GTF2I: variants seen among roughly 807,000 people sequenced by gnomAD.
The protein encoded by GTF2I is general transcription factor II-I.
In GTF2I, 12 loss-of-function variants were observed where a neutral mutation model predicts 67.6. The observed-to-expected ratio is 0.18, with a 90% CI of 0.11 to 0.29. The LOEUF is 0.29. GTF2I is among the 10% of genes least tolerant of loss of function. The pLI, the probability that GTF2I is intolerant of heterozygous loss-of-function variation, is 1.00. For synonymous variants in GTF2I, 149 were observed against 197.0 expected (o/e 0.76, Z 2.04); for missense variants, 271 against 580.1 (o/e 0.47, Z 5.47).
intron 12 of GTF2I, chr7:74,727,180 C>T (rs1455140371): frequency 6.6e-6 from 1 of 152,162 alleles, no homozygotes; most frequent in Non-Finnish European, 1.5e-5. Flanking sequence ...ACCATTTTCT[C>T]CAGTTGATTA....
chr7:74,705,243 G>GT, intron 7 of GTF2I, 25 bp downstream of exon 7: 1 of 1,407,238 alleles, frequency 7.1e-7, no homozygotes, highest in Non-Finnish European at 1.0e-6. Context: ...CATTACTGCT[G>GT]TTTAACTCCC....
chr7:74,696,784 T>A (rs1788963918), intron 3 of GTF2I, among the ~76,000 whole-genome samples: 1 of 152,056 alleles, frequency 6.6e-6, no homozygotes, highest in Non-Finnish European at 1.5e-5. Flanking sequence ...CATGAGCCAC[T>A]GCACCCGGCC....
intron 8 of GTF2I, among the ~76,000 whole-genome samples, chr7:74,707,909 AT>A (rs1243527925): frequency 6.6e-6 from 1 of 150,754 alleles, no homozygotes; most frequent in East Asian, 1.9e-4. Context: ...GCATCTTTGT[AT>A]TCTTAATTTA....
At chr7:74,733,782 A>G (rs1192155818) in intron 15 of GTF2I, 141 bp from the exon 16 acceptor site, 5 of 317,874 alleles carry the variant, frequency 1.6e-5, no homozygotes, top group Non-Finnish European at 1.1e-5. Context: ...AAAAAAAAAA[A>G]GATTTAGTTG....
intron 1 of GTF2I, among the ~76,000 whole-genome samples, chr7:74,662,766 C>T (rs1357680225): frequency 6.6e-6 from 1 of 152,060 alleles, no homozygotes; most frequent in Non-Finnish European, 1.5e-5. Flanking sequence ...TTGTGATCTG[C>T]CCGCCTAGGC....
At chr7:74,687,639 T>A (rs142480301) in intron 1 of GTF2I, 3 of 667,684 alleles carry the variant, frequency 4.5e-6, no homozygotes, top group Admixed American at 6.3e-5. Flanking sequence ...TAGATCACAG[T>A]CTTTAATAAT....
At chr7:74,704,648 G>A (rs1417225507) in intron 6 of GTF2I, among the ~76,000 whole-genome samples, 5 of 151,914 alleles carry the variant, frequency 3.3e-5, no homozygotes, top group African/African-American at 7.3e-5. Flanking sequence ...CCAGGAGTTC[G>A]AGATAAGCCT....
At chr7:74,703,151 T>C (rs187136742) in intron 6 of GTF2I, among the ~76,000 whole-genome samples, 9 of 152,264 alleles carry the variant, frequency 5.9e-5, no homozygotes, top group Admixed American at 5.9e-4. Flanking sequence ...TATATAGTCT[T>C]GATATAAGTC....
intron 3 of GTF2I, among the ~76,000 whole-genome samples, chr7:74,693,302 G>T (rs1554397533): frequency 7.8e-6 from 1 of 128,170 alleles, no homozygotes; most frequent in Non-Finnish European, 1.6e-5. Flanking sequence ...TTGAGATGGA[G>T]GTTTGCTCCG....
intron 9 of GTF2I, 36 bp from the exon 10 acceptor site, chr7:74,714,821 G>A: frequency 2.1e-6 from 3 of 1,449,822 alleles, no homozygotes; most frequent in South Asian, 1.3e-5. Flanking sequence ...TTTTTGGGGG[G>A]GATTACTTTT....
intron 1 of GTF2I, chr7:74,688,824 C>T: frequency 3.2e-6 from 1 of 311,376 alleles, no homozygotes; most frequent in Non-Finnish European, 6.0e-6. Flanking sequence ...TGTAAAGTGC[C>T]TTGCCTCGTC....
intron 1 of GTF2I, among the ~76,000 whole-genome samples, chr7:74,684,273 T>C (rs1219976844): frequency 6.6e-6 from 1 of 152,224 alleles, no homozygotes; most frequent in African/African-American, 2.4e-5. Flanking sequence ...TATTTTAAGT[T>C]GAGGGTATTC....
At chr7:74,704,268 T>TTTTATCTATTTA (rs1790268268) in intron 6 of GTF2I, among the ~76,000 whole-genome samples, 1 of 144,310 alleles carries the variant, frequency 6.9e-6, no homozygotes, top group East Asian at 2.0e-4. Flanking sequence ...TAATTATTAT[T>TTTTATCTATTTA]TTTATTTATT....
At position 74,700,380 on chromosome 7, in the gene GTF2I, C is replaced by G. The variant is rs782730755; in HGVS notation, c.507C>G (p.Thr169=). 1.9e-6 allele frequency: 3 copies of G among 1,614,020 alleles called. No individual in the cohort carries two copies. Among genetic ancestry groups the G allele is most frequent in the East Asian group, 2.2e-5 (1 of 44,882 alleles). The change falls in exon 5 of 35, where the codon ACC becomes ACG. Residue 169 remains threonine (T), a synonymous_variant. Coordinates refer to ENST00000573035, the MANE Select transcript of GTF2I (RefSeq NM_032999.4). ...ACCCCGAGAACTATGATCTTGCAACCCTGAAATGGATTTTGGAGAACAAAG... is the reference window on the plus strand; with the variant it reads ...ACCCCGAGAACTATGATCTTGCAACGCTGAAATGGATTTTGGAGAACAAAG... ...FKHPENYDLA[T]LKWILENKAG... is the part of the protein sequence containing the mutation.
chr7:74,697,792 C>T lies in GTF2I; in HGVS notation c.239-1169C>T, dbSNP rs781906508. On this transcript the variant is annotated intron_variant, in intron 3 of 34. Transcript: ENST00000573035. ...CCTTTTATTTTTTATTTTTTTGAGA[C>T]GGAGTCTTGCTCTGTCGCCAGGCTG... Among the ~76,000 whole-genome samples the T allele has an allele frequency of 5.9e-4, 90 of 152,144 alleles. 1 individual carries two copies. Among genetic ancestry groups the T allele is most frequent in the Non-Finnish European group, 6.8e-4 (46 of 68,000 alleles).
At position 74,700,209 on chromosome 7, in the gene GTF2I, C is replaced by T. The variant is rs200579067; in HGVS notation, c.374-38C>T. 727 of 1,594,754 alleles carry T rather than the reference C, an allele frequency of 4.6e-4. 1 individual carries two copies. Among genetic ancestry groups the T allele is most frequent in the Non-Finnish European group, 6.0e-4 (694 of 1,164,966 alleles). ...GCGATGATTTCATTTTGTAATCTTA[C>T]CATTGAATGATGTTCATCCGCTTTT... On this transcript the variant is annotated intron_variant, in intron 4 of 34. Coordinates refer to ENST00000573035, the MANE Select transcript of GTF2I (RefSeq NM_032999.4).
chr7:74,663,671 G>T (rs886799706), intron 1 of GTF2I, among the ~76,000 whole-genome samples: 1 of 152,126 alleles, frequency 6.6e-6, no homozygotes, highest in Non-Finnish European at 1.5e-5. Context: ...TATTCTAATT[G>T]TAGAGTTGAG....
intron 1 of GTF2I, among the ~76,000 whole-genome samples, chr7:74,669,772 C>A (rs1421804226): frequency 2.0e-5 from 3 of 152,146 alleles, no homozygotes; most frequent in African/African-American, 7.2e-5. Flanking sequence ...ACTTTGTGAT[C>A]CACTCACTTC....
chr7:74,720,812 G>A (rs782098208), intron 12 of GTF2I, among the ~76,000 whole-genome samples: 1 of 145,930 alleles, frequency 6.9e-6, no homozygotes, highest in African/African-American at 2.6e-5. Flanking sequence ...GTGCGATCTC[G>A]GCTCACTGCA....
Sources: allele counts gnomAD v4.1 joint callset (sites outside exome capture counted in the v4.1 genomes callset), GRCh38; gene constraint gnomAD v4.1.1; transcripts MANE v1.5; gene names NCBI Gene and HGNC (gene_info 2026-07-23, HGNC 2026-07-21).